The following EHBP1 variants were observed in gnomAD, a reference collection of about 807,000 sequenced individuals.
EHBP1 encodes the protein EH domain binding protein 1.
In EHBP1, 55 loss-of-function variants were observed where a neutral mutation model predicts 144.0. The ratio of observed to expected loss-of-function variants is 0.38; its 90% CI spans 0.31 to 0.48. The LOEUF (loss-of-function observed/expected upper bound fraction) is 0.48, where lower values mean the gene tolerates loss of function less well. Ranked by LOEUF, EHBP1 falls within the 20% of genes least tolerant of loss-of-function variation. The probability of loss-of-function intolerance (pLI) is 0.98; values close to 1 mark genes in which losing one functional copy is unlikely to be tolerated. For synonymous variants in EHBP1, 469 were observed against 472.7 expected (o/e 0.99, Z 0.10); for missense variants, 1,200 against 1,364.2 (o/e 0.88, Z 1.90).
Position 63,045,687 on chromosome 2 carries a change from TA to T in EHBP1, c.*188del. ...CCAAATAATATACAGAACTCCAAAA[TA>T]GCTTCATTTAAGGATTTTTTTGTGA... On this transcript the variant is annotated 3_prime_UTR_variant, in exon 23 of 23. Coordinates refer to ENST00000431489, the MANE Select transcript of EHBP1 (RefSeq NM_001142616.3). This position sits in a 1 kb window ranked among gnomAD's most constrained non-coding sequence, Gnocchi z 5.7. The T allele has an allele frequency of 3.7e-6, 2 of 547,492 alleles. No individual in the cohort carries two copies. Among genetic ancestry groups the T allele is most frequent in the Non-Finnish European group, 6.5e-6 (2 of 306,628 alleles). The allele number at this position is 547,492 out of a possible 1,614,324, so 33.9% of individuals were successfully genotyped here.
intron 10 of EHBP1, among the ~76,000 whole-genome samples, chr2:62,912,125 C>T (rs2054270592): frequency 1.3e-5 from 2 of 152,034 alleles, no homozygotes; most frequent in African/African-American, 4.8e-5. Context: ...AACAAAAAAA[C>T]CATCTCTATG....
chr2:62,860,752 A>T (rs1339210798), intron 8 of EHBP1, among the ~76,000 whole-genome samples: 1 of 152,178 alleles, frequency 6.6e-6, no homozygotes, highest in East Asian at 1.9e-4. Context: ...CTATTTTAAA[A>T]TCAAGTAAGT....
At chr2:62,873,049 A>T (rs991144648) in intron 9 of EHBP1, among the ~76,000 whole-genome samples, 2 of 152,180 alleles carry the variant, frequency 1.3e-5, no homozygotes, top group African/African-American at 4.8e-5. Flanking sequence ...CTTAGTCCTA[A>T]AGTACTTGGC....
At chr2:62,680,961 C>G (rs1425962834) in intron 1 of EHBP1, among the ~76,000 whole-genome samples, 1 of 152,052 alleles carries the variant, frequency 6.6e-6, no homozygotes, top group Non-Finnish European at 1.5e-5. Context: ...GGAGAGTAAT[C>G]TTACATGTAT....
At chr2:62,765,727 A>G (rs914198180) in intron 4 of EHBP1, among the ~76,000 whole-genome samples, 4 of 152,168 alleles carry the variant, frequency 2.6e-5, no homozygotes, top group Admixed American at 2.0e-4. Context: ...ATTTTATATT[A>G]TTATTTTGAT....
chr2:63,037,175 T>C (rs2061474950), intron 19 of EHBP1, among the ~76,000 whole-genome samples: 1 of 151,944 alleles, frequency 6.6e-6, no homozygotes, highest in Admixed American at 6.6e-5. Context: ...CTCATAATGA[T>C]TTTTTAATTT....
In EHBP1 at chr2:62,696,567, G is replaced by A. The variant is rs191895921; in HGVS notation, c.-295-10330G>A. ...CTCACTGTGTTGCCCAGGCTGGAGTGCAGTGGCGCTATCTCTGCTCACTGC... is the reference window on the plus strand; with the variant it reads ...CTCACTGTGTTGCCCAGGCTGGAGTACAGTGGCGCTATCTCTGCTCACTGC... On this transcript the variant is annotated intron_variant, in intron 1 of 22. Transcript: ENST00000405015. 2.9e-3 allele frequency among the ~76,000 whole-genome samples: 332 copies of A among 114,118 alleles called. 3 individuals are homozygous for A. Among genetic ancestry groups the A allele is most frequent in the Middle Eastern group, 0.019 (2 of 108 alleles). The allele number at this position is 114,118 out of a possible 152,430, so 74.9% of individuals were successfully genotyped here.
intron 2 of EHBP1, among the ~76,000 whole-genome samples, chr2:62,710,311 A>T (rs922369164): frequency 5.9e-5 from 9 of 152,044 alleles, no homozygotes; most frequent in African/African-American, 1.9e-4. Context: ...ATGAATCATT[A>T]TGTATGAATA....
intron 8 of EHBP1, among the ~76,000 whole-genome samples, chr2:62,864,173 C>T (rs898654120): frequency 2.0e-5 from 3 of 152,038 alleles, no homozygotes; most frequent in African/African-American, 7.2e-5. Flanking sequence ...GAATTGAGGT[C>T]ATGCTCTGTC....
chr2:62,742,025 A>G (rs1016965861), intron 2 of EHBP1, among the ~76,000 whole-genome samples: 3 of 152,116 alleles, frequency 2.0e-5, no homozygotes, highest in Admixed American at 6.6e-5. Flanking sequence ...TAGATACACA[A>G]ATACTTAACC....
At chr2:62,796,956 T>C (rs1005167070) in intron 5 of EHBP1, among the ~76,000 whole-genome samples, 2 of 152,106 alleles carry the variant, frequency 1.3e-5, no homozygotes, top group Non-Finnish European at 2.9e-5. Flanking sequence ...TAAAACCCAA[T>C]GAATAAAAGT....
intron 1 of EHBP1, among the ~76,000 whole-genome samples, chr2:62,675,252 C>T (rs1264852653): frequency 6.6e-6 from 1 of 152,104 alleles, no homozygotes; most frequent in Non-Finnish European, 1.5e-5. Flanking sequence ...AAGTGTCCCT[C>T]CAGATAAGGG....
intron 2 of EHBP1, among the ~76,000 whole-genome samples, chr2:62,724,424 G>A (rs1047812327): frequency 5.9e-5 from 9 of 152,104 alleles, no homozygotes; most frequent in East Asian, 1.9e-4. Flanking sequence ...AGTGTACTGC[G>A]TCTCAGTGAT....
intron 15 of EHBP1, among the ~76,000 whole-genome samples, chr2:62,985,981 A>G (rs2059172789): frequency 1.3e-5 from 2 of 152,192 alleles, no homozygotes; most frequent in African/African-American, 4.8e-5. Flanking sequence ...TATACAGTAC[A>G]CAGTAGAAGT....
chr2:62,705,484 T>G (rs559907129), upstream of EHBP1, among the ~76,000 whole-genome samples: 58 of 151,882 alleles, frequency 3.8e-4, no homozygotes, highest in African/African-American at 1.4e-3. Flanking sequence ...CCTTAGTCGG[T>G]TCCTTCTTTT....
chr2:62,844,403 T>C (rs2048146077), intron 7 of EHBP1, among the ~76,000 whole-genome samples: 2 of 152,286 alleles, frequency 1.3e-5, no homozygotes, highest in South Asian at 2.1e-4. Flanking sequence ...CACCAGTGAA[T>C]AGGCAGGAGA....
chr2:62,760,345 A>G (rs2040667939), intron 3 of EHBP1, among the ~76,000 whole-genome samples: 1 of 152,162 alleles, frequency 6.6e-6, no homozygotes, highest in Non-Finnish European at 1.5e-5. Flanking sequence ...GAATATCAAA[A>G]AGCCAGAACT....
chr2:62,840,086 C>T (rs1457870438), intron 7 of EHBP1, among the ~76,000 whole-genome samples: 2 of 151,728 alleles, frequency 1.3e-5, no homozygotes, highest in Non-Finnish European at 2.9e-5. Context: ...TGACTTCAAA[C>T]TATACTACAA....
At chr2:62,887,842 A>G (rs889733030) in intron 10 of EHBP1, among the ~76,000 whole-genome samples, 3 of 152,222 alleles carry the variant, frequency 2.0e-5, no homozygotes, top group African/African-American at 7.2e-5. Context: ...TTACAATGCA[A>G]AAACACAAAA....
Sources: allele counts gnomAD v4.1 joint callset (sites outside exome capture counted in the v4.1 genomes callset), GRCh38; gene constraint gnomAD v4.1.1; non-coding constraint Gnocchi (gnomAD v3.1); transcripts MANE v1.5; gene names NCBI Gene and HGNC (gene_info 2026-07-23, HGNC 2026-07-21).